The following TP63 variants were observed in gnomAD, a reference collection of about 807,000 sequenced individuals.
TP63 encodes the protein tumor protein 63.
Under a neutral mutation model 82.8 loss-of-function variants are expected in TP63, and 17 were observed. The ratio of observed to expected loss-of-function variants is 0.21; its 90% confidence interval spans 0.14 to 0.31. The LOEUF (loss-of-function observed/expected upper bound fraction) is 0.31. Ranked by LOEUF, TP63 falls within the 10% of genes least tolerant of loss-of-function variation. TP63 has a pLI of 1.00. For synonymous variants in TP63, 330 were observed against 321.7 expected (o/e 1.03, Z -0.28); for missense variants, 648 against 895.3 (o/e 0.72, Z 3.52).
At chr3:189,873,028 T>C (rs1718623281) in intron 10 of TP63, 33 bp downstream of exon 10, 1 of 1,614,064 alleles carries the variant, frequency 6.2e-7, no homozygotes, top group Non-Finnish European at 8.5e-7. Context: ...TTAGGAGGCA[T>C]GAGTGAGGGT....
At chr3:189,640,909 C>T (rs13325621) in intron 1 of TP63, among the ~76,000 whole-genome samples, 51,600 of 151,950 alleles carry the variant, frequency 0.34, 9,107 homozygotes, top group Non-Finnish European at 0.38. Context: ...AACTAAGACA[C>T]TGAAACAGAA....
intron 10 of TP63, among the ~76,000 whole-genome samples, chr3:189,875,609 T>TATATATATATACACACAC (rs1179610451): frequency 1.3e-4 from 8 of 62,994 alleles, no homozygotes; most frequent in South Asian, 4.3e-4. Context: ...TATATATATA[T>TATATATATATACACACAC]ATATATATAT....
chr3:189,782,672 T>C (rs1724314607), intron 3 of TP63, among the ~76,000 whole-genome samples: 1 of 152,152 alleles, frequency 6.6e-6, no homozygotes, highest in Non-Finnish European at 1.5e-5. Context: ...TTTTACCTTT[T>C]AGAGATGAAA....
chr3:189,633,338 C>G (rs146828974), intron 1 of TP63, among the ~76,000 whole-genome samples: 9 of 151,966 alleles, frequency 5.9e-5, no homozygotes, highest in African/African-American at 1.9e-4. Context: ...GGTACTAAGC[C>G]TAGTACCCAT....
At chr3:189,819,747 CTTT>C (rs367763002) in intron 4 of TP63, among the ~76,000 whole-genome samples, 41 of 89,830 alleles carry the variant, frequency 4.6e-4, no homozygotes, top group Non-Finnish European at 4.7e-4. Flanking sequence ...TATATTTTAC[CTTT>C]TTTTTTTTTT....
At chr3:189,711,495 A>T (rs1718591325) in intron 1 of TP63, among the ~76,000 whole-genome samples, 1 of 152,184 alleles carries the variant, frequency 6.6e-6, no homozygotes, top group African/African-American at 2.4e-5. Context: ...TGCCACAGGA[A>T]CGTGGGGAAA....
At chr3:189,600,149 A>G in the TP63 span, among the ~76,000 whole-genome samples, 2 of 152,142 alleles carry the variant, frequency 1.3e-5, no homozygotes, top group South Asian at 2.1e-4. Flanking sequence ...AGCATCACCA[A>G]CCCCCAGAAG....
At chr3:189,702,544 C>G (rs58200304) in intron 1 of TP63, among the ~76,000 whole-genome samples, 1 of 152,134 alleles carries the variant, frequency 6.6e-6, no homozygotes, top group Non-Finnish European at 1.5e-5. Flanking sequence ...AATGTTTCCT[C>G]TCCTGCCTGG....
chr3:189,597,578 A>G, the TP63 span, among the ~76,000 whole-genome samples: 2 of 152,224 alleles, frequency 1.3e-5, no homozygotes, highest in African/African-American at 4.8e-5. Context: ...TAGGTAGATA[A>G]TTGAAACAGA....
chr3:189,614,010 G>C, the TP63 span, among the ~76,000 whole-genome samples: 1 of 152,198 alleles, frequency 6.6e-6, no homozygotes, highest in Non-Finnish European at 1.5e-5. Context: ...ACTTTGGACT[G>C]TGGACTTTTT....
chr3:189,718,468 C>A (rs1353343847), intron 1 of TP63, among the ~76,000 whole-genome samples: 2 of 149,140 alleles, frequency 1.3e-5, no homozygotes, highest in East Asian at 2.0e-4. Context: ...CACTTTTAAA[C>A]CATCAGATCT....
At chr3:189,606,397 T>C in the TP63 span, among the ~76,000 whole-genome samples, 2 of 149,448 alleles carry the variant, frequency 1.3e-5, no homozygotes, top group Non-Finnish European at 3.0e-5. Flanking sequence ...TGTGAAGCAA[T>C]AAAAACACCA....
intron 4 of TP63, among the ~76,000 whole-genome samples, chr3:189,822,000 G>T (rs1728840809): frequency 6.6e-6 from 1 of 152,146 alleles, no homozygotes; most frequent in Non-Finnish European, 1.5e-5. Flanking sequence ...GTAGGAGAAA[G>T]AATTCAGCTT....
intron 3 of TP63, among the ~76,000 whole-genome samples, chr3:189,747,914 T>C (rs996590466): frequency 3.3e-5 from 5 of 151,806 alleles, no homozygotes; most frequent in Admixed American, 6.6e-5. Flanking sequence ...TCATCAGAGA[T>C]TATTATGAAC....
intron 1 of TP63, among the ~76,000 whole-genome samples, chr3:189,712,934 G>A (rs988467533): frequency 2.6e-5 from 4 of 152,116 alleles, no homozygotes; most frequent in African/African-American, 9.7e-5. Flanking sequence ...GAAAATATCT[G>A]AGATGTCAAG....
At chr3:189,687,517 T>C (rs1170654092) in intron 1 of TP63, among the ~76,000 whole-genome samples, 1 of 152,204 alleles carries the variant, frequency 6.6e-6, no homozygotes, top group East Asian at 1.9e-4. Context: ...GGGAACCTAG[T>C]TTGTAGTCTC....
intron 1 of TP63, among the ~76,000 whole-genome samples, chr3:189,720,756 A>T (rs1453336395): frequency 7.4e-6 from 1 of 135,176 alleles, no homozygotes; most frequent in South Asian, 2.4e-4. Context: ...AAAAAAAAAA[A>T]AGAAGAAGAC....
rs146199616 is a variant in TP63 at position 189,762,418 on chromosome 3, A to G, written c.324+23644A>G. Among the ~76,000 whole-genome samples, 10 of 152,248 alleles carry G rather than the reference A, an allele frequency of 6.6e-5. No homozygotes were observed. The East Asian group carries it at 1.9e-3, about 29-fold the overall frequency. The stretch of plus-strand genomic sequence containing the variant: ...GATAGCTTTTGGGGCAAGAGAGAAA[A>G]AAGGTCAGAGTTTAGTCCTCAGGCC... On this transcript the variant is annotated intron_variant, in intron 3 of 13. Transcript: ENST00000264731.
intron 2 of TP63, among the ~76,000 whole-genome samples, chr3:189,738,309 A>G (rs1720743768): frequency 1.3e-5 from 2 of 152,216 alleles, no homozygotes; most frequent in African/African-American, 4.8e-5. Context: ...GAAAAGGTGA[A>G]AAGAGAATTT....
Sources: gnomAD v4.1 joint callset for allele counts (sites outside exome capture counted in the v4.1 genomes callset) on GRCh38, gnomAD v4.1.1 for gene constraint, MANE v1.5 for transcripts, NCBI Gene and HGNC (gene_info 2026-07-23, HGNC 2026-07-21) for gene names.